Variants in PEX5 observed in about 807,000 individuals in gnomAD.
The protein encoded by PEX5 is PTS1 receptor.
PEX5 carries 52 observed loss-of-function variants against 82.9 expected under a neutral mutation model. The ratio of observed to expected loss-of-function variants is 0.63; its 90% CI spans 0.50 to 0.79. The LOEUF is 0.79. Among genes scored for constraint, PEX5 ranks in the 30% least tolerant of loss-of-function variants. PEX5 has a pLI of 0.00. For missense variants in PEX5, 719 were observed against 815.2 expected (o/e 0.88, Z 1.44); for synonymous variants, 300 against 318.8 (o/e 0.94, Z 0.63).
At chr12:7,198,443 A>T (rs1943146920) in intron 5 of PEX5, among the ~76,000 whole-genome samples, 1 of 152,072 alleles carries the variant, frequency 6.6e-6, no homozygotes, top group African/African-American at 2.4e-5. Context: ...AAATGAAAAA[A>T]CCCACCAAAC....
At chr12:7,191,140 A>T in intron 3 of PEX5, 86 bp from the exon 4 acceptor site, 2 of 1,476,098 alleles carry the variant, frequency 1.4e-6, no homozygotes, top group Non-Finnish European at 1.9e-6. Context: ...CTTGTATCTA[A>T]CATTGGGATC....
In PEX5 at chr12:7,208,618, G is replaced by T; in HGVS notation, c.1343G>T (p.Gly448Val). ...HLVTPAEEGA[G>V]GAGLGPSKRI... ...GTGACACCTGCTGAAGAAGGGGCTG[G>T]TGGGGCAGGACTGGGCCCCAGCAAG... Residue 448 changes from glycine (G) to valine (V), a missense_variant, in exon 13 of 16, where the codon GGT (glycine) becomes GTT (valine). Coordinates refer to ENST00000675855, the MANE Select transcript of PEX5 (RefSeq NM_001351132.2). The T allele has an allele frequency of 1.2e-6, 2 of 1,614,138 alleles. No homozygotes were observed. Among genetic ancestry groups the T allele is most frequent in the Non-Finnish European group, 1.7e-6 (2 of 1,180,020 alleles).
intron 5 of PEX5, among the ~76,000 whole-genome samples, chr12:7,197,639 T>A (rs997092977): frequency 6.6e-6 from 1 of 151,656 alleles, no homozygotes; most frequent in African/African-American, 2.4e-5. Flanking sequence ...TTTTGACATT[T>A]CATGCTCAGA....
intron 11 of PEX5, 60 bp downstream of exon 11, chr12:7,207,862 C>T: frequency 3.1e-6 from 5 of 1,592,016 alleles, no homozygotes; most frequent in Non-Finnish European, 4.3e-6. Context: ...TTGAGAAAGG[C>T]CCCAAGGAGA....
At position 7,189,727 on chromosome 12, in the gene PEX5, G is replaced by C. The variant is rs1591635938; in HGVS notation, c.-40G>C. ...CAAGCCAGCACCTGGTGCCCCGGCG[G>C]GTCGTGCGGCGCGGCGCTCCGCGGT... On this transcript the variant is annotated 5_prime_UTR_variant, in exon 1 of 16. Transcript: ENST00000675855. The C allele has an allele frequency of 4.4e-5, 17 of 389,952 alleles. No individual in the cohort carries two copies. The East Asian group carries it at 6.8e-4, about 16-fold the overall frequency. The allele number at this position is 389,952 out of a possible 1,614,324, so 24.2% of individuals were successfully genotyped here.
At chr12:7,204,137 TG>T (rs781076365) in intron 10 of PEX5, among the ~76,000 whole-genome samples, 1 of 152,236 alleles carries the variant, frequency 6.6e-6, no homozygotes, top group Non-Finnish European at 1.5e-5. Context: ...ATGTTACTTC[TG>T]GGGTCTTACT....
chr12:7,190,902 G>A lies in PEX5; in HGVS notation c.162G>A (p.Leu54=), dbSNP rs1456241452. ...TTCTCTCTTAGGCCTCCAAGCCTTT[G>A]GGAGTAGCTTCTGAAGATGAGGTAA... ...APASEAASKP[L]GVASEDELVA... Residue 54 remains leucine (L), a synonymous_variant, in exon 3 of 16, where the codon TTG becomes TTA. Transcript: ENST00000675855. 1 of 1,613,572 alleles carries A rather than the reference G, an allele frequency of 6.2e-7. No homozygotes were observed. The highest frequency in any genetic ancestry group is 1.7e-5 in the Admixed American group (1 of 60,024).
chr12:7,207,648 T>G lies in PEX5; in HGVS notation c.967-11T>G. The G allele has an allele frequency of 6.2e-7, 1 of 1,613,964 alleles. No individual in the cohort carries two copies. Among genetic ancestry groups the G allele is most frequent in the Non-Finnish European group, 8.5e-7 (1 of 1,179,886 alleles). ...ACCTCTCAGTCCATCTCTCACGTGC[T>G]TTTCTTGTAGGGGTACCAGTTTGAG... On this transcript the variant is annotated splice_polypyrimidine_tract_variant and intron_variant, in intron 10 of 15. Coordinates refer to ENST00000675855, the MANE Select transcript of PEX5 (RefSeq NM_001351132.2).
chr12:7,209,938 G>C, intron 15 of PEX5, 84 bp from the exon 16 acceptor site: 1 of 1,595,548 alleles, frequency 6.3e-7, no homozygotes, highest in Non-Finnish European at 8.6e-7. Flanking sequence ...ACCAGCCCTA[G>C]CTTTCTCCCT....
Position 7,210,973 on chromosome 12 carries a change from GGGC to G in PEX5, c.*751_*753del, listed in dbSNP as rs1945502182. On this transcript the variant is annotated 3_prime_UTR_variant, in exon 16 of 16. Coordinates refer to ENST00000675855, the MANE Select transcript of PEX5 (RefSeq NM_001351132.2). ...GAGGGACTAGATCAGAAGAGATCAA[GGGC>G]TCTATTCAGGAACGTTGGTGGGAGG... 6.4e-6 allele frequency: 1 copy of G among 156,874 alleles called. No homozygotes were observed. The highest frequency in any genetic ancestry group is 1.4e-5 in the Non-Finnish European group (1 of 70,558). The allele number at this position is 156,874 out of a possible 1,614,324, so 9.7% of individuals were successfully genotyped here. A position where few individuals can be genotyped will look rare whatever the true frequency, so the allele number is the denominator to read the frequency against.
At chr12:7,192,467 T>C (rs1156579197) in intron 5 of PEX5, among the ~76,000 whole-genome samples, 1 of 152,242 alleles carries the variant, frequency 6.6e-6, no homozygotes, top group East Asian at 1.9e-4. Flanking sequence ...TTTTCCTCTT[T>C]GAAAGCATCC....
In PEX5 at chr12:7,210,365, G is replaced by A. The variant is rs2136270101; in HGVS notation, c.*142G>A. 1 of 739,956 alleles carries A rather than the reference G, an allele frequency of 1.4e-6. No individual in the cohort carries two copies. The highest frequency in any genetic ancestry group is 2.6e-5 in the East Asian group (1 of 38,022). 45.8% of individuals were successfully genotyped at this position (739,956 alleles called of 1,614,324 possible). On this transcript the variant is annotated 3_prime_UTR_variant, in exon 16 of 16. Transcript: ENST00000675855. ...CCTTTCAGGAGCTGCCTCAACGTAG[G>A]GGTGGGTAGTCTGTGTTCTAGTTCC...
intron 9 of PEX5, among the ~76,000 whole-genome samples, chr12:7,203,191 C>T (rs1944342194): frequency 8.4e-5 from 1 of 11,866 alleles, no homozygotes; most frequent in African/African-American, 1.7e-4. Context: ...ATGCACTGCA[C>T]TGCACTGCAC....
chr12:7,196,066 A>G lies in PEX5; in HGVS notation c.449-2945A>G, dbSNP rs1196225827. Among the ~76,000 whole-genome samples the G allele has an allele frequency of 2.1e-5, 3 of 145,964 alleles. No individual in the cohort carries two copies. In the East Asian group the frequency reaches 5.9e-4, roughly 29 times the overall value. Reference sequence around the variant, plus strand: ...ATTATATATACATTTTACATTATATATAATGTATATATAATGTATTTCTTA... The same window carrying G: ...ATTATATATACATTTTACATTATATGTAATGTATATATAATGTATTTCTTA... On this transcript the variant is annotated intron_variant, in intron 5 of 15. Transcript: ENST00000675855.
chr12:7,201,289 A>G (rs1042949935), intron 6 of PEX5, among the ~76,000 whole-genome samples: 60 of 122,040 alleles, frequency 4.9e-4, no homozygotes, highest in African/African-American at 1.5e-3. Flanking sequence ...ATAGACATAC[A>G]TGTATACACA....
At chr12:7,213,662 A>G (rs1945691911), downstream of PEX5, among the ~76,000 whole-genome samples, 1 of 149,050 alleles carries the variant, frequency 6.7e-6, no homozygotes, top group Non-Finnish European at 1.5e-5. Flanking sequence ...GGACATAGGC[A>G]TGGGCAAGGA....
intron 5 of PEX5, among the ~76,000 whole-genome samples, chr12:7,191,927 G>C (rs1941219783): frequency 6.6e-6 from 1 of 152,222 alleles, no homozygotes; most frequent in South Asian, 2.1e-4. Context: ...AGAGAACGAA[G>C]AGTTTGGTTG....
At chr12:7,202,777 C>T in intron 9 of PEX5, 73 bp downstream of exon 9, 2 of 1,020,732 alleles carry the variant, frequency 2.0e-6, no homozygotes, top group Non-Finnish European at 3.1e-6. Context: ...GTATGAACAT[C>T]AAAGATGATG....
intron 14 of PEX5, among the ~76,000 whole-genome samples, chr12:7,209,383 C>A (rs1045347917): frequency 6.6e-5 from 10 of 152,080 alleles, no homozygotes; most frequent in Non-Finnish European, 1.2e-4. Flanking sequence ...TTTGTTCAGA[C>A]TTTTGGAGTC....
Sources: gnomAD v4.1 joint callset for allele counts (sites outside exome capture counted in the v4.1 genomes callset) on GRCh38, gnomAD v4.1.1 for gene constraint, MANE v1.5 for transcripts, NCBI Gene and HGNC (gene_info 2026-07-23, HGNC 2026-07-21) for gene names.